ST14: variants seen among roughly 807,000 people sequenced by gnomAD.
The protein encoded by ST14 is ST14 transmembrane serine protease matriptase, also known as suppressor of tumorigenicity 14 protein.
Under a neutral mutation model 96.5 loss-of-function variants are expected in ST14, and 40 were observed. The observed-to-expected ratio is 0.41, with a 90% CI of 0.32 to 0.54. ST14 has a LOEUF of 0.54. ST14 is among the 20% of genes least tolerant of loss of function. The pLI is 0.17. For missense variants in ST14, 1,066 were observed against 1,188.9 expected, an observed-to-expected ratio of 0.90 and a Z score of 1.52; for synonymous variants, 506 against 492.1, an observed-to-expected ratio of 1.03 and a Z score of -0.37.
At chr11:130,196,742 A>G (rs1953370235) in intron 11 of ST14, 42 bp downstream of exon 11, 9 of 1,613,926 alleles carry the variant, frequency 5.6e-6, no homozygotes, top group Non-Finnish European at 7.6e-6. Context: ...GGGGGCCTGC[A>G]CCGCATGTTC....
chr11:130,167,658 G>C (rs2136202006), intron 1 of ST14, among the ~76,000 whole-genome samples: 1 of 152,216 alleles, frequency 6.6e-6, no homozygotes, highest in African/African-American at 2.4e-5. Flanking sequence ...GTTGGAGAGG[G>C]ATCTCCCAGA....
intron 6 of ST14, 41 bp from the exon 7 acceptor site, chr11:130,190,413 C>A: frequency 2.5e-6 from 4 of 1,603,282 alleles, no homozygotes; most frequent in Non-Finnish European, 1.7e-6. Context: ...CTCTGCCCAG[C>A]CCTGCCCCCA....
chr11:130,188,619 A>G lies in ST14; in HGVS notation c.331A>G (p.Thr111Ala). The G allele has an allele frequency of 4.3e-6, 7 of 1,614,192 alleles. No homozygotes were observed. Among genetic ancestry groups the G allele is most frequent in the Non-Finnish European group, 5.9e-6 (7 of 1,180,038 alleles). The change falls in exon 3 of 19, where the codon ACT (threonine) becomes GCT (alanine). Residue 111 changes from threonine (T) to alanine (A), a missense_variant. Transcript: ENST00000278742. This position sits in a 1 kb window ranked among gnomAD's most constrained non-coding sequence, Gnocchi z 5.4. Reference protein sequence around the residue: ...FVDAYENSNSTEFVSLASKVK... With the variant: ...FVDAYENSNSAEFVSLASKVK... The stretch of plus-strand genomic sequence containing the variant: ...GGATGCCTACGAGAACTCCAACTCC[A>G]CTGAGTTTGTAAGCCTGGCCAGCAA...
intron 15 of ST14, among the ~76,000 whole-genome samples, chr11:130,199,717 G>A (rs1416418569): frequency 1.3e-5 from 2 of 152,208 alleles, no homozygotes; most frequent in Non-Finnish European, 2.9e-5. Flanking sequence ...GGGGAGGTGG[G>A]AAGATGAGGG....
Position 130,208,489 on chromosome 11 carries a change from C to T in ST14, c.2074C>T (p.Arg692Cys). 6.2e-7 allele frequency: 1 copy of T among 1,614,242 alleles called. No homozygotes were observed. Among genetic ancestry groups the T allele is most frequent in the Non-Finnish European group, 8.5e-7 (1 of 1,180,046 alleles). ...GCGCAGCGCCCCTGGGGTGCAGGAG[C>T]GCAGGCTCAAGCGCATCATCTCCCA... ...SQRSAPGVQE[R>C]RLKRIISHPF... Residue 692 changes from arginine to cysteine, a missense_variant, in exon 17 of 19, where the codon CGC (arginine) becomes TGC (cysteine). By Grantham distance (180) the Arg-to-Cys change is radical (BLOSUM62 -3). Transcript: ENST00000278742.
chr11:130,163,057 G>T (rs1210818642), intron 1 of ST14, among the ~76,000 whole-genome samples: 1 of 152,218 alleles, frequency 6.6e-6, no homozygotes, highest in Non-Finnish European at 1.5e-5. Flanking sequence ...AAGTTGCAGT[G>T]TGGTGTTCAA....
chr11:130,180,483 G>C (rs188454571), intron 1 of ST14, among the ~76,000 whole-genome samples: 9 of 152,334 alleles, frequency 5.9e-5, no homozygotes, highest in Admixed American at 5.9e-4. Context: ...TTTGTTGTTG[G>C]TAAGTGTAGG....
rs1454207285 is a variant in ST14 at position 130,181,104 on chromosome 11, G to A, written c.82-7010G>A. Among the ~76,000 whole-genome samples, 4 of 151,642 alleles carry A rather than the reference G, an allele frequency of 2.6e-5. No homozygotes were observed. Among genetic ancestry groups the A allele is most frequent in the Admixed American group, 1.3e-4 (2 of 15,214 alleles). On this transcript the variant is annotated intron_variant, in intron 1 of 18. Coordinates refer to ENST00000278742, the MANE Select transcript of ST14 (RefSeq NM_021978.4). The surrounding 1 kb of genome is among the most constrained non-coding windows in gnomAD (Gnocchi z 4.1). ...TCTTGTCCCTGCTGGATGGGATGGC[G>A]GTGGTCTGATTTTGTCCCTGCTGGG...
At chr11:130,183,673 C>T (rs77569584) in intron 1 of ST14, among the ~76,000 whole-genome samples, 13,659 of 152,180 alleles carry the variant, frequency 0.09, 2,039 homozygotes, top group African/African-American at 0.31. Context: ...GAATTTCTCC[C>T]AGCAGTATTT....
chr11:130,203,738 C>T (rs989589904), intron 16 of ST14, among the ~76,000 whole-genome samples: 4 of 152,142 alleles, frequency 2.6e-5, no homozygotes, highest in Admixed American at 6.5e-5. Flanking sequence ...CTGCAACCTC[C>T]GCCTCCCGGG....
At chr11:130,186,775 T>C (rs1478050953) in intron 1 of ST14, among the ~76,000 whole-genome samples, 1 of 152,160 alleles carries the variant, frequency 6.6e-6, no homozygotes, top group African/African-American at 2.4e-5. Context: ...ATTGTCATAA[T>C]AGAAAGTCAG....
intron 1 of ST14, among the ~76,000 whole-genome samples, chr11:130,170,734 A>G (rs1953084533): frequency 1.3e-5 from 2 of 152,208 alleles, no homozygotes; most frequent in South Asian, 4.1e-4. Flanking sequence ...TGAGGGAGCC[A>G]GTGCCCTTAG....
intron 1 of ST14, among the ~76,000 whole-genome samples, chr11:130,164,849 T>C (rs948591882): frequency 6.6e-6 from 1 of 151,984 alleles, no homozygotes; most frequent in Admixed American, 6.6e-5. Context: ...GCGATTCTCC[T>C]GCCTCAGCCT....
chr11:130,201,795 C>T (rs58214066), intron 16 of ST14, among the ~76,000 whole-genome samples: 5,087 of 152,334 alleles, frequency 0.033, 257 homozygotes, highest in African/African-American at 0.11. Flanking sequence ...TAAGCTTGGC[C>T]TCCACCTCCT....
intron 9 of ST14, among the ~76,000 whole-genome samples, chr11:130,195,881 G>T (rs1591891283): frequency 6.6e-6 from 1 of 151,016 alleles, no homozygotes; most frequent in East Asian, 2.0e-4. Flanking sequence ...AAGAGGCTGG[G>T]TGTGGTGGCT....
chr11:130,194,492 C>T lies in ST14; in HGVS notation c.1016-148C>T, dbSNP rs377386769. The T allele has an allele frequency of 3.1e-5, 35 of 1,115,576 alleles. No individual in the cohort carries two copies. In the East Asian group the frequency reaches 5.4e-4, roughly 17 times the overall value. 69.1% of individuals were successfully genotyped at this position (1,115,576 alleles called of 1,614,324 possible). Reference sequence around the variant, plus strand: ...GGAGCCCTCCTGAAGCTTCGGCACCCGGCACCTGGCCTTCCTGGCTGTGCA... The same window carrying T: ...GGAGCCCTCCTGAAGCTTCGGCACCTGGCACCTGGCCTTCCTGGCTGTGCA... On this transcript the variant is annotated intron_variant, in intron 8 of 18. Coordinates refer to ENST00000278742, the MANE Select transcript of ST14 (RefSeq NM_021978.4).
rs764779753 is a variant in ST14 at position 130,188,986 on chromosome 11, G to A, written c.440+47G>A. 2.5e-6 allele frequency: 4 copies of A among 1,572,530 alleles called. No homozygotes were observed. Among genetic ancestry groups the A allele is most frequent in the Non-Finnish European group, 3.5e-6 (4 of 1,154,934 alleles). On this transcript the variant is annotated intron_variant, in intron 4 of 18. Coordinates refer to ENST00000278742, the MANE Select transcript of ST14 (RefSeq NM_021978.4). The surrounding 1 kb of genome is among the most constrained non-coding windows in gnomAD (Gnocchi z 5.4). ...AGTGGGATGCACCCCAGACTGGCTG[G>A]GAGTAGGATCGGGGTACAGTGTGTG...
At chr11:130,196,814 G>A in intron 11 of ST14, 114 bp downstream of exon 11, 2 of 1,507,946 alleles carry the variant, frequency 1.3e-6, no homozygotes, top group Non-Finnish European at 1.8e-6. Context: ...GAGAATGTAA[G>A]AGCATCTCAC....
intron 1 of ST14, among the ~76,000 whole-genome samples, chr11:130,184,998 C>A (rs965724192): frequency 1.3e-5 from 2 of 152,196 alleles, no homozygotes; most frequent in African/African-American, 4.8e-5. Flanking sequence ...GCCAGTGAAG[C>A]CAGTTGTGGC....
Sources: gnomAD v4.1 joint callset for allele counts (sites outside exome capture counted in the v4.1 genomes callset) on GRCh38, gnomAD v4.1.1 for gene constraint, Gnocchi (gnomAD v3.1) non-coding constraint, MANE v1.5 for transcripts, NCBI Gene and HGNC (gene_info 2026-07-23, HGNC 2026-07-21) for gene names.